PLA2G2C: variants seen among roughly 807,000 people sequenced by gnomAD.
The protein encoded by PLA2G2C is putative inactive group IIC secretory phospholipase A2.
In PLA2G2C, 15 loss-of-function variants were observed where a neutral mutation model predicts 14.3. That is an observed-to-expected ratio of 1.05 (90% CI 0.70 to 1.62). The LOEUF (loss-of-function observed/expected upper bound fraction) is 1.62. PLA2G2C is among the 40% of genes most tolerant of loss of function. The pLI is 0.00. For missense variants in PLA2G2C, 162 were observed against 173.2 expected (o/e 0.94, Z 0.36); for synonymous variants, 79 against 67.7 (o/e 1.17, Z -0.82).
chr1:20,177,846 T>C (rs1159229985), intron 1 of PLA2G2C, among the ~76,000 whole-genome samples: 3 of 152,208 alleles, frequency 2.0e-5, no homozygotes, highest in African/African-American at 4.8e-5. Context: ...TACCCAGGCA[T>C]CATATTCATC....
At chr1:20,175,743 A>G (rs1298316234) in intron 2 of PLA2G2C, among the ~76,000 whole-genome samples, 1 of 152,194 alleles carries the variant, frequency 6.6e-6, no homozygotes, top group East Asian at 1.9e-4. Flanking sequence ...ATGTCCACCG[A>G]CAGGGGGATA....
At chr1:20,176,165 C>T (rs1258653537) in intron 2 of PLA2G2C, among the ~76,000 whole-genome samples, 2 of 152,050 alleles carry the variant, frequency 1.3e-5, no homozygotes, top group Non-Finnish European at 2.9e-5. Flanking sequence ...GTGATCCGCC[C>T]GCCTCGGCCT....
chr1:20,164,784 G>A (rs1557784211), intron 4 of PLA2G2C, among the ~76,000 whole-genome samples: 1 of 152,212 alleles, frequency 6.6e-6, no homozygotes. Flanking sequence ...CGACCTCGCT[G>A]CCCCCGCTCC....
At position 20,178,630 on chromosome 1, in the gene PLA2G2C, T is replaced by C. The variant is rs1569937238; in HGVS notation, c.-76-1191A>G. Among the ~76,000 whole-genome samples, 3 of 152,140 alleles carry C rather than the reference T, an allele frequency of 2.0e-5. No individual in the cohort carries two copies. The East Asian group carries it at 5.8e-4, about 29-fold the overall frequency. On this transcript the variant is annotated intron_variant, in intron 1 of 4. Coordinates refer to ENST00000679259, the MANE Select transcript of PLA2G2C (RefSeq NM_001367969.2). ...TTGCTTCCTTTTTCTCTTTTGAGTC[T>C]AAAAAAAATCATGTGCAAGTTTAGC...
chr1:20,164,045 G>A lies in PLA2G2C; in HGVS notation c.396C>T (p.Asn132=), dbSNP rs770863741. 3.1e-6 allele frequency: 5 copies of A among 1,613,778 alleles called. No homozygotes were observed. The East Asian group carries it at 1.1e-4, about 36-fold the overall frequency. ...TGGGCTGGCTGGAGAACTGCTTGAAGTTTTTCTCATAGGTGGGCAGGCTCT... is the reference window on the plus strand; with the variant it reads ...TGGGCTGGCTGGAGAACTGCTTGAAATTTTTCTCATAGGTGGGCAGGCTCT... The part of the protein sequence containing the change: ...FKESLPTYEK[N]FKQFSSQPRC... Residue 132 remains asparagine, a synonymous_variant, in exon 5 of 5, where the codon AAC becomes AAT. Transcript: ENST00000679259.
Position 20,172,804 on chromosome 1 carries a change from G to A in PLA2G2C, c.273C>T (p.Gly91=), listed in dbSNP as rs375075696. 1.4e-5 allele frequency: 23 copies of A among 1,613,320 alleles called. No homozygotes were observed. Among genetic ancestry groups the A allele is most frequent in the African/African-American group, 1.2e-4 (9 of 74,876 alleles). The change falls in exon 4 of 5, where the codon GGC becomes GGT. Residue 91 remains glycine (G), a synonymous_variant. Coordinates refer to ENST00000679259, the MANE Select transcript of PLA2G2C (RefSeq NM_001367969.2). ...LNSYQFHIVN[G]AVVCGCTLGP... is the part of the protein sequence containing the mutation. ...GAAAAGGCTACTCACAAACCACTGC[G>A]CCATTGACGATGTGGAACTGGTAGC...
At chr1:20,165,781 CAT>C (rs1557784600) in intron 4 of PLA2G2C, among the ~76,000 whole-genome samples, 2 of 151,922 alleles carry the variant, frequency 1.3e-5, no homozygotes, top group South Asian at 2.1e-4. Context: ...TGTGCGTGCG[CAT>C]GTGTGTGCGT....
chr1:20,164,254 G>C, intron 4 of PLA2G2C, 97 bp from the exon 5 acceptor site: 1 of 1,286,168 alleles, frequency 7.8e-7, no homozygotes, highest in Non-Finnish European at 1.1e-6. Flanking sequence ...AAGGGGCCAA[G>C]GGTTAAGGAC....
At chr1:20,175,201 GCC>G (rs1453004790) in intron 2 of PLA2G2C, 56 bp from the exon 3 acceptor site, 1 of 1,612,862 alleles carries the variant, frequency 6.2e-7, no homozygotes, top group South Asian at 1.1e-5. Flanking sequence ...GCATGATGCT[GCC>G]TTGATGTCCC....
At chr1:20,181,386 G>T (rs1286216841) in intron 1 of PLA2G2C, among the ~76,000 whole-genome samples, 1 of 151,998 alleles carries the variant, frequency 6.6e-6, no homozygotes, top group East Asian at 1.9e-4. Flanking sequence ...TCCCGATGAG[G>T]CATATACGAT....
At chr1:20,172,437 T>G (rs757782897) in intron 4 of PLA2G2C, among the ~76,000 whole-genome samples, 1 of 152,210 alleles carries the variant, frequency 6.6e-6, no homozygotes, top group Non-Finnish European at 1.5e-5. Context: ...GGAAGACAGC[T>G]GAGCCGTTTT....
At chr1:20,183,525 G>C (rs1443867294) in intron 1 of PLA2G2C, among the ~76,000 whole-genome samples, 1 of 152,216 alleles carries the variant, frequency 6.6e-6, no homozygotes, top group Non-Finnish European at 1.5e-5. Context: ...GCAAAGGAGG[G>C]CTATGATGCC....
intron 3 of PLA2G2C, 96 bp from the exon 4 acceptor site, chr1:20,172,993 G>A: frequency 3.7e-6 from 3 of 807,570 alleles, no homozygotes; most frequent in Non-Finnish European, 4.0e-6. Context: ...GGCATTGAAG[G>A]TGAGGAGGTG....
chr1:20,167,893 T>C (rs2018004046), intron 4 of PLA2G2C, among the ~76,000 whole-genome samples: 2 of 152,250 alleles, frequency 1.3e-5, no homozygotes, highest in African/African-American at 4.8e-5. Flanking sequence ...CGCTGTCATT[T>C]TGCAGCCTGT....
chr1:20,172,863 G>C lies in PLA2G2C; in HGVS notation c.214C>G (p.Leu72Val). The C allele has an allele frequency of 1.2e-6, 2 of 1,613,918 alleles. No individual in the cohort carries two copies. Among genetic ancestry groups the C allele is most frequent in the Non-Finnish European group, 1.7e-6 (2 of 1,179,872 alleles). Residue 72 changes from leucine to valine, a missense_variant, in exon 4 of 5, where the codon CTG (leucine) becomes GTG (valine). Coordinates refer to ENST00000679259, the MANE Select transcript of PLA2G2C (RefSeq NM_001367969.2). ...SPSSPSPYEK[L>V]KEFSCQPVLN... ...ACAGGCTGGCAGCTGAACTCCTTCA[G>C]CTTCTCGTAGGGAGAGGGAGATGAG...
At chr1:20,182,479 C>A (rs967076017) in intron 1 of PLA2G2C, among the ~76,000 whole-genome samples, 2 of 152,272 alleles carry the variant, frequency 1.3e-5, no homozygotes, top group South Asian at 4.2e-4. Context: ...CAGGCTAGAC[C>A]ATCTAGGTTT....
chr1:20,169,308 G>T (rs1290838319), intron 4 of PLA2G2C, among the ~76,000 whole-genome samples: 2 of 152,154 alleles, frequency 1.3e-5, no homozygotes, highest in African/African-American at 2.4e-5. Context: ...CTTCTGAGTA[G>T]CTGGGACTAC....
intron 3 of PLA2G2C, among the ~76,000 whole-genome samples, chr1:20,173,573 C>A (rs1447157888): frequency 1.3e-5 from 2 of 152,294 alleles, no homozygotes; most frequent in East Asian, 3.9e-4. Context: ...TACTGTGAGT[C>A]AGGCACTGTA....
chr1:20,179,735 AGTGTGTGTGTGTGTGT>A (rs3035013), intron 1 of PLA2G2C, among the ~76,000 whole-genome samples: 3 of 111,468 alleles, frequency 2.7e-5, no homozygotes, highest in Non-Finnish European at 5.7e-5. Flanking sequence ...CCTCTATGTC[AGTGTGTGTGTGTGTGT>A]GTGTGTGTGT....
Sources: allele counts gnomAD v4.1 joint callset (sites outside exome capture counted in the v4.1 genomes callset), GRCh38; gene constraint gnomAD v4.1.1; transcripts MANE v1.5; gene names NCBI Gene and HGNC (gene_info 2026-07-23, HGNC 2026-07-21).